The following KDM5B variants were observed in gnomAD, a reference collection of about 807,000 sequenced individuals.
The protein encoded by KDM5B is lysine-specific demethylase 5B.
In KDM5B, 144 loss-of-function variants were observed where a neutral mutation model predicts 193.4. The observed-to-expected ratio is 0.74, with a 90% CI of 0.65 to 0.86. The LOEUF (loss-of-function observed/expected upper bound fraction) is 0.86. Ranked by LOEUF, KDM5B falls within the 40% of genes least tolerant of loss-of-function variation. The probability of loss-of-function intolerance (pLI) is 0.00; values close to 1 mark genes in which losing one functional copy is unlikely to be tolerated. For missense variants in KDM5B, 1,833 were observed against 1,886.9 expected, an observed-to-expected ratio of 0.97 and a Z score of 0.53; for synonymous variants, 668 against 682.6, an observed-to-expected ratio of 0.98 and a Z score of 0.33.
chr1:202,750,498 C>G (rs1359313819), intron 13 of KDM5B, among the ~76,000 whole-genome samples, 161 bp downstream of exon 13: 1 of 152,152 alleles, frequency 6.6e-6, no homozygotes, highest in Non-Finnish European at 1.5e-5. Flanking sequence ...TGGTCTCGAA[C>G]TCCTGACCTC....
chr1:202,735,281 C>T (rs1655049336), intron 22 of KDM5B, 148 bp downstream of exon 22: 2 of 792,298 alleles, frequency 2.5e-6, no homozygotes, highest in East Asian at 2.6e-5. Context: ...AAACTCTTAA[C>T]ACTTGACAAT....
At chr1:202,740,607 G>A in intron 20 of KDM5B, 67 bp downstream of exon 20, 1 of 1,468,886 alleles carries the variant, frequency 6.8e-7, no homozygotes. Context: ...CTCCCTCCCG[G>A]ACGGGGCGCC....
At chr1:202,788,003 C>T (rs549632522) in intron 1 of KDM5B, among the ~76,000 whole-genome samples, 1 of 152,128 alleles carries the variant, frequency 6.6e-6, no homozygotes, top group Non-Finnish European at 1.5e-5. Context: ...CTCCAAGGGT[C>T]CTCGGCCCAC....
At chr1:202,774,849 T>G in intron 2 of KDM5B, 114 bp from the exon 3 acceptor site, 1 of 996,434 alleles carries the variant, frequency 1.0e-6, no homozygotes, top group Admixed American at 3.0e-5. Context: ...AAAAAAATTT[T>G]TTTTTAATTT....
chr1:202,759,973 C>G (rs1014642540), intron 8 of KDM5B, among the ~76,000 whole-genome samples: 1 of 152,220 alleles, frequency 6.6e-6, no homozygotes, highest in African/African-American at 2.4e-5. Context: ...TCAGGTCCAT[C>G]CCAGTTTTCT....
intron 14 of KDM5B, chr1:202,746,652 GATAAGAGGTATA>G (rs1373452885): frequency 7.9e-6 from 1 of 126,952 alleles, no homozygotes; most frequent in Non-Finnish European, 1.7e-5. Flanking sequence ...TTTGGGTATA[GATAAGAGGTATA>G]GATAAGATTA....
At position 202,777,842 on chromosome 1, in the gene KDM5B, G is replaced by A. The variant is rs1051635983; in HGVS notation, c.205-748C>T. Among the ~76,000 whole-genome samples the A allele has an allele frequency of 9.2e-5, 14 of 152,060 alleles. No individual in the cohort carries two copies. In the South Asian group the frequency reaches 1.0e-3, roughly 11 times the overall value. ...TAAATTGAGGGTAAATTCTACAGTG[G>A]TGTCAGGGGGAGAAAAACTGACATC... On this transcript the variant is annotated intron_variant, in intron 1 of 26. Transcript: ENST00000367265.
At chr1:202,791,391 T>C (rs1328905877) in intron 1 of KDM5B, among the ~76,000 whole-genome samples, 2 of 152,236 alleles carry the variant, frequency 1.3e-5, no homozygotes, top group African/African-American at 4.8e-5. Flanking sequence ...TTAAGCCACC[T>C]AAGTCTGAAA....
At chr1:202,747,467 C>T (rs1038634575) in intron 14 of KDM5B, among the ~76,000 whole-genome samples, 1 of 150,746 alleles carries the variant, frequency 6.6e-6, no homozygotes, top group African/African-American at 2.4e-5. Flanking sequence ...TTTCCCCCAA[C>T]TGTAAAATAT....
In KDM5B at chr1:202,736,356, C is replaced by A; in HGVS notation, c.3121G>T (p.Glu1041Ter). The change falls in exon 21 of 27, where the codon GAA becomes TAA. Residue 1041 changes from glutamate to a stop codon, truncating the protein, a stop_gained. Coordinates refer to ENST00000367265, the MANE Select transcript of KDM5B (RefSeq NM_006618.5). LOFTEE classifies it high-confidence loss of function. ...ATAGATCGGCCTCGTGTAACAAGTT[C>A]TATGAGTGTGTCTAACACTGGCACA... ...GRVPVLDTLI[E>*]LVTRGRSIPV... The A allele has an allele frequency of 6.2e-7, 1 of 1,608,094 alleles. No individual in the cohort carries two copies. Among genetic ancestry groups the A allele is most frequent in the Non-Finnish European group, 8.5e-7 (1 of 1,177,246 alleles).
chr1:202,776,896 C>A, intron 2 of KDM5B, 121 bp downstream of exon 2: 1 of 737,790 alleles, frequency 1.4e-6, no homozygotes, highest in Non-Finnish European at 2.4e-6. Flanking sequence ...CTTATTTGCT[C>A]AAATACAAAT....
At chr1:202,771,545 G>A (rs769068191) in intron 4 of KDM5B, among the ~76,000 whole-genome samples, 11 of 151,268 alleles carry the variant, frequency 7.3e-5, no homozygotes, top group African/African-American at 2.7e-4. Flanking sequence ...ATGAGCCACC[G>A]CACCCAGCCT....
chr1:202,758,778 C>T (rs1656122540), intron 8 of KDM5B: 1 of 259,732 alleles, frequency 3.9e-6, no homozygotes, highest in Non-Finnish European at 7.3e-6. Context: ...AAGAGGCAGG[C>T]TAAAGACTCG....
chr1:202,729,844 C>G lies in KDM5B; in HGVS notation c.4360G>C (p.Glu1454Gln), dbSNP rs532229831. The change falls in exon 26 of 27, where the codon GAG (glutamate) becomes CAG (glutamine). Residue 1454 changes from glutamate to glutamine, a missense_variant. Transcript: ENST00000367265. Reference protein sequence around the residue: ...KDMNNFKLERERSYELVRSAE... With the variant: ...KDMNNFKLERQRSYELVRSAE... ...GAACGAACTAATTCATAGCTACGCT[C>G]TCTCTCTAACTTGAAATTGTTCATG... 4 of 1,614,144 alleles carry G rather than the reference C, an allele frequency of 2.5e-6. No homozygotes were observed. Among genetic ancestry groups the G allele is most frequent in the African/African-American group, 1.3e-5 (1 of 75,040 alleles).
rs758909324 is a variant in KDM5B, at chr1:202,750,641, T to C, written c.1821+18A>G. 6 of 1,611,174 alleles carry C rather than the reference T, an allele frequency of 3.7e-6. No homozygotes were observed. ...AAACAATAAATTTGAAAAGGTTAAC[T>C]ACATTGTAATTACATACCCAATCAA... On this transcript the variant is annotated intron_variant, in intron 13 of 26. Transcript: ENST00000367265.
chr1:202,785,885 G>C (rs965407282), intron 1 of KDM5B, among the ~76,000 whole-genome samples: 3 of 150,792 alleles, frequency 2.0e-5, no homozygotes, highest in Non-Finnish European at 2.9e-5. Flanking sequence ...TTCCAGCCTG[G>C]GCAAACAGAG....
In KDM5B at chr1:202,774,689, T is replaced by C; in HGVS notation, c.329A>G (p.Tyr110Cys). Residue 110 changes from tyrosine to cysteine, a missense_variant, in exon 3 of 27, where the codon TAC (tyrosine) becomes TGC (cysteine). Physicochemically the swap from Tyr to Cys is radical, Grantham distance 194. Coordinates refer to ENST00000367265, the MANE Select transcript of KDM5B (RefSeq NM_006618.5). ...CAGAGTACTTCCCTGTAACTCCCAG[T>C]ACTTTGCAATCTGGTCCAAGAAATT... ...KLNFLDQIAK[Y>C]WELQGSTLKI... 1 of 1,612,934 alleles carries C rather than the reference T, an allele frequency of 6.2e-7. No homozygotes were observed.
chr1:202,795,014 ACCAG>A (rs1206361331), intron 1 of KDM5B, among the ~76,000 whole-genome samples: 12 of 152,114 alleles, frequency 7.9e-5, no homozygotes, highest in African/African-American at 2.9e-4. Flanking sequence ...GGAGTTCAAG[ACCAG>A]CCTGGCCAAC....
At position 202,808,366 on chromosome 1, in the gene KDM5B, G is replaced by T. The variant is rs935978775; in HGVS notation, c.-61C>A. ...CTCCGGGACCGAGGCTGCGAGCTCC[G>T]CTCGGTCCGAGACCCGTGCAGACGC... On this transcript the variant is annotated 5_prime_UTR_variant, in exon 1 of 27. Coordinates refer to ENST00000367265, the MANE Select transcript of KDM5B (RefSeq NM_006618.5). 5 of 1,449,222 alleles carry T rather than the reference G, an allele frequency of 3.5e-6. No homozygotes were observed. In the East Asian group the frequency reaches 9.8e-5, roughly 29 times the overall value. 89.8% of individuals were successfully genotyped at this position (1,449,222 alleles called of 1,614,324 possible).
Sources: allele counts gnomAD v4.1 joint callset (sites outside exome capture counted in the v4.1 genomes callset), GRCh38; gene constraint gnomAD v4.1.1; transcripts MANE v1.5; gene names NCBI Gene and HGNC (gene_info 2026-07-23, HGNC 2026-07-21).